Variants in ELL3 observed in about 807,000 individuals in gnomAD.
ELL3 encodes elongation factor for RNA polymerase II 3.
ELL3 carries 48 observed loss-of-function variants against 58.5 expected under a neutral mutation model. The observed-to-expected ratio is 0.82, with a 90% CI of 0.65 to 1.04. The LOEUF (loss-of-function observed/expected upper bound fraction) is 1.04. Among genes scored for constraint, ELL3 ranks in the 50% least tolerant of loss-of-function variants. ELL3 has a pLI of 0.00. For synonymous variants in ELL3, 174 were observed against 173.2 expected, an observed-to-expected ratio of 1.00 and a Z score of -0.04; for missense variants, 458 against 478.4, an observed-to-expected ratio of 0.96 and a Z score of 0.40.
intron 6 of ELL3, 151 bp downstream of exon 6, chr15:43,775,155 G>C: frequency 1.4e-6 from 1 of 725,290 alleles, no homozygotes; most frequent in Non-Finnish European, 2.2e-6. Flanking sequence ...CTGGGGAACA[G>C]AGAGACCTTG....
Position 43,776,071 on chromosome 15 carries a change from A to G in ELL3, c.249T>C (p.Gly83=), listed in dbSNP as rs1260687668. 5.8e-5 allele frequency: 93 copies of G among 1,613,996 alleles called. No homozygotes were observed. The highest frequency in any genetic ancestry group is 7.7e-5 in the Non-Finnish European group (91 of 1,180,022). The change falls in exon 3 of 11, where the codon GGT becomes GGC. Residue 83 remains glycine, a synonymous_variant. Transcript: ENST00000319359. ...VSQCCQEGAG[G]SLDLVCQRFL... ...AGCGTTGGCACACAAGGTCCAAGCT[A>G]CCACCAGCGCCCTCCTGACAACACT...
At chr15:43,773,895 G>C (rs1472623365) in intron 9 of ELL3, among the ~76,000 whole-genome samples, 1 of 151,860 alleles carries the variant, frequency 6.6e-6, no homozygotes, top group Non-Finnish European at 1.5e-5. Flanking sequence ...CCAGCTATTC[G>C]GAAAGCTGAG....
In ELL3 at chr15:43,773,199, G is replaced by T. The variant is rs751833360; in HGVS notation, c.1111C>A (p.Arg371Ser). 2 of 1,613,832 alleles carry T rather than the reference G, an allele frequency of 1.2e-6. No homozygotes were observed. Among genetic ancestry groups the T allele is most frequent in the Non-Finnish European group, 1.7e-6 (2 of 1,179,956 alleles). The change falls in exon 11 of 11, where the codon CGT (arginine) becomes AGT (serine). Residue 371 changes from arginine to serine, a missense_variant. By Grantham distance (110) the Arg-to-Ser change is moderately radical. Coordinates refer to ENST00000319359, the MANE Select transcript of ELL3 (RefSeq NM_025165.3). ...TTCTGGTGAAGGTACTCACAGCGAC[G>T]CTTTTCTTCTCTGTAACTTGGGTAC... ...KQYPSYREEKRRCEYLHQKLS... is the reference protein window; with the variant it reads ...KQYPSYREEKSRCEYLHQKLS...
At position 43,776,024 on chromosome 15, in the gene ELL3, C is replaced by T. The variant is rs762917641; in HGVS notation, c.281+15G>A. 6.2e-7 allele frequency: 1 copy of T among 1,613,814 alleles called. No homozygotes were observed. Among genetic ancestry groups the T allele is most frequent in the South Asian group, 1.1e-5 (1 of 91,074 alleles). ...TCCACAAACCCTTTCTTGCCGGCTA[C>T]CTGTTCCCCCTCACCTGAGGAAGCG... is the stretch of plus-strand genomic sequence containing the variant. On this transcript the variant is annotated intron_variant, in intron 3 of 10. Transcript: ENST00000319359.
chr15:43,775,182 T>C, intron 6 of ELL3, 124 bp downstream of exon 6: 1 of 924,298 alleles, frequency 1.1e-6, no homozygotes, highest in Non-Finnish European at 1.6e-6. Flanking sequence ...AAAAAATTCC[T>C]CCCATATAAC....
In ELL3 at chr15:43,773,020, C is replaced by G; in HGVS notation, c.*96G>C. 1.7e-6 allele frequency: 2 copies of G among 1,189,934 alleles called. No individual in the cohort carries two copies. The allele number at this position is 1,189,934 out of a possible 1,614,324, so 73.7% of individuals were successfully genotyped here. On this transcript the variant is annotated 3_prime_UTR_variant, in exon 11 of 11. Coordinates refer to ENST00000319359, the MANE Select transcript of ELL3 (RefSeq NM_025165.3). ...TGCCACCATGGACTCCAGTGGTCAG[C>G]ATAAGAAAAGCAGATAGTTGCATTC...
In ELL3 at chr15:43,774,591, C is replaced by G; in HGVS notation, c.823+5G>C. The G allele has an allele frequency of 4.3e-6, 7 of 1,613,958 alleles. No homozygotes were observed. Among genetic ancestry groups the G allele is most frequent in the Non-Finnish European group, 5.9e-6 (7 of 1,179,948 alleles). On this transcript the variant is annotated splice_donor_5th_base_variant and intron_variant, in intron 7 of 10. Coordinates refer to ENST00000319359, the MANE Select transcript of ELL3 (RefSeq NM_025165.3). ...GGCATTTTTACCCTCCTCTCATTAA[C>G]TCACCTTCTTGAACTGAGGAACTGT...
rs1343712678 is a variant in ELL3 at position 43,775,740 on chromosome 15, TG to T, written c.464del (p.Pro155HisfsTer5). On this transcript the variant is annotated frameshift_variant, in exon 4 of 11. Transcript: ENST00000319359. LOFTEE classifies it high-confidence loss of function. ...GYSEGDAVSQ[P>X]QMALEEVSVS... ...CACCCACCTCCTCTAGTGCCATCTG[TG>T]GCTGTGATACTGCATCTCCTTCAGA... 1 of 1,614,070 alleles carries T rather than the reference TG, an allele frequency of 6.2e-7. No individual in the cohort carries two copies. Among genetic ancestry groups the T allele is most frequent in the Non-Finnish European group, 8.5e-7 (1 of 1,180,054 alleles).
chr15:43,774,053 C>T, intron 9 of ELL3, 129 bp downstream of exon 9: 3 of 1,166,762 alleles, frequency 2.6e-6, no homozygotes, highest in Non-Finnish European at 2.4e-6. Flanking sequence ...ATGATACAGA[C>T]TAATTTTTCC....
chr15:43,776,542 T>C lies in ELL3; in HGVS notation c.135A>G (p.Val45=), dbSNP rs1337157397. ...RALQECQRQQ[V]RPVIAFQGHR... is the part of the protein sequence containing the mutation. ...GGCCTTGGAAAGCAATCACCGGCCG[T>C]ACCTGCGGGGAGAGCGAAGATGTGA... The change falls in exon 2 of 11, where the codon GTA becomes GTG. Residue 45 remains valine (V), a splice_region_variant and synonymous_variant. Coordinates refer to ENST00000319359, the MANE Select transcript of ELL3 (RefSeq NM_025165.3). 1.9e-6 allele frequency: 3 copies of C among 1,567,832 alleles called. No homozygotes were observed. The South Asian group carries it at 3.5e-5, about 18-fold the overall frequency.
Position 43,775,295 on chromosome 15 carries a change from T to G in ELL3, c.645+11A>C. 6.3e-7 allele frequency: 1 copy of G among 1,582,932 alleles called. No homozygotes were observed. ...TGTTACAAAAAAAAAGCCCTTGCCA[T>G]TCTAACTTACCTTGTCCAGACGTTT... On this transcript the variant is annotated intron_variant, in intron 6 of 10. Coordinates refer to ENST00000319359, the MANE Select transcript of ELL3 (RefSeq NM_025165.3).
rs1450361948 is a variant in ELL3, at chr15:43,774,484, G to A, written c.858C>T (p.Asp286=). The A allele has an allele frequency of 6.2e-7, 1 of 1,614,224 alleles. No individual in the cohort carries two copies. Among genetic ancestry groups the A allele is most frequent in the Non-Finnish European group, 8.5e-7 (1 of 1,180,042 alleles). ...SESPSPEDIP[D]YLLQYRAIHS... The stretch of plus-strand genomic sequence containing the variant: ...AAAAGCAAGGAACTCACAGGAGGTA[G>A]TCTGGTATATCTTCAGGACTTGGGG... The change falls in exon 8 of 11, where the codon GAC becomes GAT. Residue 286 remains aspartate (D), a synonymous_variant. Coordinates refer to ENST00000319359, the MANE Select transcript of ELL3 (RefSeq NM_025165.3).
chr15:43,774,567 G>C, intron 7 of ELL3, 29 bp downstream of exon 7: 1 of 1,613,894 alleles, frequency 6.2e-7, no homozygotes, highest in Non-Finnish European at 8.5e-7. Flanking sequence ...TTTTCCACTG[G>C]CATTTTTACC....
At chr15:43,775,465 A>C in intron 5 of ELL3, 60 bp downstream of exon 5, 4 of 1,609,140 alleles carry the variant, frequency 2.5e-6, no homozygotes, top group Non-Finnish European at 3.4e-6. Flanking sequence ...TTAAGAGTGG[A>C]GATTAGAAAG....
At position 43,776,054 on chromosome 15, in the gene ELL3, CA is replaced by C; in HGVS notation, c.265del (p.Cys89AlafsTer42). 6.2e-7 allele frequency: 1 copy of C among 1,614,150 alleles called. No individual in the cohort carries two copies. Among genetic ancestry groups the C allele is most frequent in the Non-Finnish European group, 8.5e-7 (1 of 1,179,996 alleles). Reference sequence around the variant, plus strand: ...TCCCCCTCACCTGAGGAAGCGTTGGCACACAAGGTCCAAGCTACCACCAGCG... The same window carrying C: ...TCCCCCTCACCTGAGGAAGCGTTGGCCACAAGGTCCAAGCTACCACCAGCG... ...EGAGGSLDLV[C>X]QRFLRSGPNS... On this transcript the variant is annotated frameshift_variant, in exon 3 of 11. Transcript: ENST00000319359. LOFTEE classifies it high-confidence loss of function.
chr15:43,774,364 CAG>C lies in ELL3; in HGVS notation c.867-13_867-12del, dbSNP rs762080087. The C allele has an allele frequency of 1.4e-5, 22 of 1,613,994 alleles. No individual in the cohort carries two copies. The Admixed American group carries it at 2.5e-4, about 18-fold the overall frequency. On this transcript the variant is annotated splice_polypyrimidine_tract_variant and intron_variant, in intron 8 of 10. Transcript: ENST00000319359. ...ATGGCCCTGTATTGCCTGCCAGGAG[CAG>C]AGAGTTGTCACCTTCAATTTCATTG...
intron 9 of ELL3, among the ~76,000 whole-genome samples, chr15:43,773,662 C>T (rs1410665491): frequency 6.6e-6 from 1 of 150,378 alleles, no homozygotes; most frequent in Non-Finnish European, 1.5e-5. Flanking sequence ...CACGCTACTG[C>T]ACTCCAGCCT....
chr15:43,774,854 T>C (rs941148759), intron 6 of ELL3, 81 bp from the exon 7 acceptor site: 7 of 1,415,268 alleles, frequency 4.9e-6, no homozygotes, highest in Non-Finnish European at 5.6e-6. Flanking sequence ...TCTCCTAGGC[T>C]GGGCACAGTG....
intron 6 of ELL3, 50 bp downstream of exon 6, chr15:43,775,256 T>C: frequency 6.6e-7 from 1 of 1,519,496 alleles, no homozygotes; most frequent in Non-Finnish European, 8.9e-7. Context: ...TTTGCCACTG[T>C]TTAATTATAT....
Sources: gnomAD v4.1 joint callset for allele counts (sites outside exome capture counted in the v4.1 genomes callset) on GRCh38, gnomAD v4.1.1 for gene constraint, MANE v1.5 for transcripts, NCBI Gene and HGNC (gene_info 2026-07-23, HGNC 2026-07-21) for gene names.